YIPF1: variants seen among roughly 807,000 people sequenced by gnomAD.
YIPF1 encodes the protein Yip1 domain family member 1, also known as protein YIPF1.
YIPF1 carries 22 observed loss-of-function variants against 37.0 expected under a neutral mutation model. The ratio of observed to expected loss-of-function variants is 0.59; its 90% CI spans 0.42 to 0.85. The LOEUF (loss-of-function observed/expected upper bound fraction) is 0.85. YIPF1 is among the 40% of genes least tolerant of loss of function. YIPF1 has a pLI of 0.00. For missense variants in YIPF1, 355 were observed against 373.1 expected (o/e 0.95, Z 0.40); for synonymous variants, 128 against 131.9 (o/e 0.97, Z 0.21).
At position 53,888,020 on chromosome 1, in the gene YIPF1, G is replaced by A. The variant is rs190582834; in HGVS notation, c.31+887C>T. On this transcript the variant is annotated intron_variant, in intron 3 of 10. Transcript: ENST00000072644. Reference sequence around the variant, plus strand: ...AGATGGGTGGATCACAAGGTCAGAAGTTCGAGACCAGCCTGGCCAATATGG... The same window carrying A: ...AGATGGGTGGATCACAAGGTCAGAAATTCGAGACCAGCCTGGCCAATATGG... Among the ~76,000 whole-genome samples, 25 of 152,318 alleles carry A rather than the reference G, an allele frequency of 1.6e-4. No individual in the cohort carries two copies. In the East Asian group the frequency reaches 2.9e-3, roughly 18 times the overall value.
intron 8 of YIPF1, 50 bp downstream of exon 8, chr1:53,866,708 A>G: frequency 6.4e-7 from 1 of 1,561,234 alleles, no homozygotes; most frequent in Non-Finnish European, 8.7e-7. Context: ...TGAAGTTTCT[A>G]CCAAGAACAG....
intron 6 of YIPF1, among the ~76,000 whole-genome samples, chr1:53,874,847 A>G (rs575657323): frequency 2.0e-5 from 3 of 152,238 alleles, no homozygotes; most frequent in African/African-American, 7.2e-5. Context: ...TTGTGCTAAG[A>G]TTTATCTATA....
chr1:53,888,045 G>C (rs1650701010), intron 3 of YIPF1, among the ~76,000 whole-genome samples: 1 of 152,170 alleles, frequency 6.6e-6, no homozygotes, highest in South Asian at 2.1e-4. Context: ...GGCCAATATG[G>C]TGAAGCCCCG....
chr1:53,875,596 G>A lies in YIPF1; in HGVS notation c.364+2719C>T, dbSNP rs553010095. Among the ~76,000 whole-genome samples the A allele has an allele frequency of 1.2e-4, 19 of 152,330 alleles. No individual in the cohort carries two copies. The South Asian group carries it at 3.7e-3, about 30-fold the overall frequency. The stretch of plus-strand genomic sequence containing the variant: ...TCAAGCAAATGCCAAAGTCCTCACT[G>A]TGACTTATGAGACCTTACCTGTCCC... On this transcript the variant is annotated intron_variant, in intron 6 of 10. Transcript: ENST00000072644.
rs1557605849 is a variant in YIPF1, at chr1:53,870,160, C to CTCTTTTTTTTT, written c.481+1211_481+1212insAAAAAAAAAGA. On this transcript the variant is annotated intron_variant, in intron 7 of 10. Coordinates refer to ENST00000072644, the MANE Select transcript of YIPF1 (RefSeq NM_018982.5). Reference sequence around the variant, plus strand: ...AGGCTTGAGCCACCGCACCGGGTCTCTTTTTTTTTTTTTTTTTTTTTTTTT... The same window carrying CTCTTTTTTTTT: ...AGGCTTGAGCCACCGCACCGGGTCTCTCTTTTTTTTTTTTTTTTTTTTTTTTTTTTTTTTTT... Among the ~76,000 whole-genome samples, 175 of 91,224 alleles carry CTCTTTTTTTTT rather than the reference C, an allele frequency of 1.9e-3. 27 individuals carry two copies. Among genetic ancestry groups the CTCTTTTTTTTT allele is most frequent in the African/African-American group, 7.6e-3 (173 of 22,624 alleles). The allele number at this position is 91,224 out of a possible 152,430, so 59.8% of individuals were successfully genotyped here.
At chr1:53,882,207 A>G (rs1553155806) in intron 4 of YIPF1, among the ~76,000 whole-genome samples, 1 of 152,004 alleles carries the variant, frequency 6.6e-6, no homozygotes, top group Non-Finnish European at 1.5e-5. Flanking sequence ...AAGAAGAGCT[A>G]ATGGATGCTG....
chr1:53,873,009 A>T (rs1650234363), intron 6 of YIPF1, among the ~76,000 whole-genome samples: 1 of 152,256 alleles, frequency 6.6e-6, no homozygotes, highest in Non-Finnish European at 1.5e-5. Context: ...CATGTGTTAT[A>T]GATGAGCTGA....
At chr1:53,888,511 A>T (rs756273657) in intron 3 of YIPF1, among the ~76,000 whole-genome samples, 6 of 152,224 alleles carry the variant, frequency 3.9e-5, no homozygotes, top group Non-Finnish European at 7.3e-5. Context: ...TGATCTGATC[A>T]CATTTCATCC....
At chr1:53,882,973 C>T (rs1040514738) in intron 4 of YIPF1, 140 bp downstream of exon 4, 46 of 942,346 alleles carry the variant, frequency 4.9e-5, no homozygotes, top group Non-Finnish European at 6.4e-5. Context: ...CCTGTTTCCC[C>T]CACCAAGGAA....
rs982251202 is a variant in YIPF1, at chr1:53,889,390, C to G, written c.-196G>C. On this transcript the variant is annotated 5_prime_UTR_variant, in exon 2 of 11. Transcript: ENST00000072644. Reference sequence around the variant, plus strand: ...TAAAGGCACAGGCTCTGGGGTCAGACAGAGCTGGGTTTGATTCCCGATTCT... The same window carrying G: ...TAAAGGCACAGGCTCTGGGGTCAGAGAGAGCTGGGTTTGATTCCCGATTCT... 1.2e-5 allele frequency: 2 copies of G among 160,072 alleles called. No homozygotes were observed. Among genetic ancestry groups the G allele is most frequent in the African/African-American group, 4.8e-5 (2 of 41,664 alleles). 9.9% of individuals were successfully genotyped at this position (160,072 alleles called of 1,614,324 possible). A position where few individuals can be genotyped will look rare whatever the true frequency, so the allele number is the denominator to read the frequency against.
chr1:53,852,306 AC>A (rs1193934896), intron 10 of YIPF1, 36 bp from the exon 11 acceptor site: 3 of 151,272 alleles, frequency 2.0e-5, no homozygotes, highest in South Asian at 2.1e-4. Flanking sequence ...AAGATAAAGC[AC>A]CCCCCCACCC....
intron 6 of YIPF1, among the ~76,000 whole-genome samples, chr1:53,877,930 C>T (rs141155004): frequency 6.6e-6 from 1 of 152,162 alleles, no homozygotes; most frequent in African/African-American, 2.4e-5. Context: ...GTTGGGATTA[C>T]AGGCGGCAGC....
chr1:53,866,680 G>T, intron 8 of YIPF1, 78 bp downstream of exon 8: 1 of 1,474,568 alleles, frequency 6.8e-7, no homozygotes, highest in Non-Finnish European at 9.2e-7. Flanking sequence ...AATAATGATG[G>T]TAGGTCAAAT....
intron 3 of YIPF1, among the ~76,000 whole-genome samples, chr1:53,888,095 G>A (rs976031667): frequency 5.3e-5 from 8 of 152,108 alleles, no homozygotes; most frequent in African/African-American, 7.2e-5. Context: ...GTGTGGTGAC[G>A]GGCACCTGTA....
chr1:53,863,865 T>C (rs1362959672), intron 9 of YIPF1, among the ~76,000 whole-genome samples: 1 of 152,122 alleles, frequency 6.6e-6, no homozygotes, highest in African/African-American at 2.4e-5. Flanking sequence ...TCAGCCTCCC[T>C]GGTAGCTGAG....
intron 9 of YIPF1, among the ~76,000 whole-genome samples, chr1:53,865,236 G>A (rs1231262341): frequency 6.6e-6 from 1 of 151,882 alleles, no homozygotes; most frequent in African/African-American, 2.4e-5. Context: ...AATCTTTCTA[G>A]GTATGTGCAG....
chr1:53,871,675 G>A (rs1650196129), intron 6 of YIPF1, among the ~76,000 whole-genome samples, 187 bp from the exon 7 acceptor site: 1 of 152,066 alleles, frequency 6.6e-6, no homozygotes, highest in South Asian at 2.1e-4. Flanking sequence ...GTAATTAGCT[G>A]CCTTAAAGAA....
chr1:53,871,352 G>A lies in YIPF1; in HGVS notation c.481+20C>T, dbSNP rs376825433. 6.3e-7 allele frequency: 1 copy of A among 1,599,634 alleles called. No homozygotes were observed. Among genetic ancestry groups the A allele is most frequent in the East Asian group, 2.2e-5 (1 of 44,736 alleles). On this transcript the variant is annotated intron_variant, in intron 7 of 10. Transcript: ENST00000072644. ...GCTAGAAACTGACAGCATTCCAAAT[G>A]AGTCAAGCTATTCACCAACCTTTTC...
chr1:53,875,077 T>C (rs1650300008), intron 6 of YIPF1, among the ~76,000 whole-genome samples: 1 of 152,192 alleles, frequency 6.6e-6, no homozygotes, highest in South Asian at 2.1e-4. Context: ...AACTGCTGAA[T>C]TATAGGGTAT....
Sources: allele counts gnomAD v4.1 joint callset (sites outside exome capture counted in the v4.1 genomes callset), GRCh38; gene constraint gnomAD v4.1.1; transcripts MANE v1.5; gene names NCBI Gene and HGNC (gene_info 2026-07-23, HGNC 2026-07-21).